Variants in HIRA observed in about 807,000 individuals in gnomAD.
HIRA encodes the protein histone cell cycle regulator.
HIRA carries 13 observed loss-of-function variants against 126.6 expected under a neutral mutation model. The observed-to-expected ratio is 0.10, with a 90% CI of 0.07 to 0.16. HIRA has a LOEUF of 0.16. Among genes scored for constraint, HIRA ranks in the 10% least tolerant of loss-of-function variants. HIRA has a pLI of 1.00. For missense variants in HIRA, 834 were observed against 1,314.4 expected (o/e 0.63, Z 5.65); for synonymous variants, 511 against 520.0 (o/e 0.98, Z 0.24).
intron 15 of HIRA, among the ~76,000 whole-genome samples, 160 bp from the exon 16 acceptor site, chr22:19,362,091 C>G (rs576362018): frequency 6.6e-6 from 1 of 152,256 alleles, no homozygotes; most frequent in Admixed American, 6.5e-5. Flanking sequence ...ATGACTTTGT[C>G]AGACAAAAAT....
intron 7 of HIRA, among the ~76,000 whole-genome samples, chr22:19,395,985 A>G (rs2089220202): frequency 6.6e-6 from 1 of 152,292 alleles, no homozygotes; most frequent in South Asian, 2.1e-4. Context: ...AACATGTGCA[A>G]ACTGTACTGC....
At chr22:19,367,390 G>A (rs537856940) in intron 15 of HIRA, among the ~76,000 whole-genome samples, 9 of 146,864 alleles carry the variant, frequency 6.1e-5, no homozygotes, top group South Asian at 2.1e-4. Flanking sequence ...TTTTTGAGAC[G>A]GAGTCTCACT....
chr22:19,416,753 A>G (rs1307667354), intron 1 of HIRA, among the ~76,000 whole-genome samples: 3 of 152,256 alleles, frequency 2.0e-5, no homozygotes, highest in Non-Finnish European at 4.4e-5. Flanking sequence ...AAATATCAAC[A>G]GAATAAAAAG....
chr22:19,416,312 C>T (rs2089397625), intron 1 of HIRA, among the ~76,000 whole-genome samples: 1 of 152,010 alleles, frequency 6.6e-6, no homozygotes, highest in Non-Finnish European at 1.5e-5. Flanking sequence ...ATTTCTTTTT[C>T]TTTTTTCTTT....
chr22:19,404,570 C>A (rs1044318836), intron 5 of HIRA, among the ~76,000 whole-genome samples: 1 of 152,158 alleles, frequency 6.6e-6, no homozygotes, highest in Non-Finnish European at 1.5e-5. Context: ...GGTTTGTTCT[C>A]CTTTTAACAG....
Position 19,330,823 on chromosome 22 carries a change from C to A in HIRA, c.*617G>T, listed in dbSNP as rs951330108. 1 of 158,302 alleles carries A rather than the reference C, an allele frequency of 6.3e-6. No individual in the cohort carries two copies. Among genetic ancestry groups the A allele is most frequent in the Non-Finnish European group, 1.4e-5 (1 of 71,320 alleles). 9.8% of individuals were successfully genotyped at this position (158,302 alleles called of 1,614,324 possible). On this transcript the variant is annotated 3_prime_UTR_variant, in exon 25 of 25. Coordinates refer to ENST00000263208, the MANE Select transcript of HIRA (RefSeq NM_003325.4). ...AAAATTAAAACCAAATGAAGATAGACAAGTTAATTTCAGTACAATTATTTT... is the reference window on the plus strand; with the variant it reads ...AAAATTAAAACCAAATGAAGATAGAAAAGTTAATTTCAGTACAATTATTTT...
At chr22:19,362,237 A>G (rs1236710828) in intron 15 of HIRA, among the ~76,000 whole-genome samples, 1 of 152,224 alleles carries the variant, frequency 6.6e-6, no homozygotes, top group Non-Finnish European at 1.5e-5. Context: ...TGTTAGAGAA[A>G]AAAAACAATG....
At chr22:19,429,627 G>A (rs181242732) in intron 1 of HIRA, among the ~76,000 whole-genome samples, 1 of 152,292 alleles carries the variant, frequency 6.6e-6, no homozygotes, top group Non-Finnish European at 1.5e-5. Context: ...TGCTCTGCCA[G>A]GCTGATGCAC....
At chr22:19,360,536 C>A (rs1366559988) in intron 17 of HIRA, among the ~76,000 whole-genome samples, 1 of 152,146 alleles carries the variant, frequency 6.6e-6, no homozygotes, top group Non-Finnish European at 1.5e-5. Flanking sequence ...TGAGGACCAA[C>A]CTGGGCTCAG....
chr22:19,423,683 A>C lies in HIRA; in HGVS notation c.37+7757T>G, dbSNP rs537364919. 3.3e-5 allele frequency among the ~76,000 whole-genome samples: 5 copies of C among 152,290 alleles called. No individual in the cohort carries two copies. In the South Asian group the frequency reaches 1.0e-3, roughly 32 times the overall value. On this transcript the variant is annotated intron_variant, in intron 1 of 24. Transcript: ENST00000263208. ...GTCCCTTCTGTCTGGTCTTCACCAC[A>C]GTGGCTTTTGCCAGGGTAGCCTCCC...
At chr22:19,403,836 T>G (rs1370943963) in intron 5 of HIRA, among the ~76,000 whole-genome samples, 1 of 152,224 alleles carries the variant, frequency 6.6e-6, no homozygotes, top group Non-Finnish European at 1.5e-5. Context: ...CTCAAAACAA[T>G]GCACCTACAA....
intron 17 of HIRA, 139 bp from the exon 18 acceptor site, chr22:19,359,623 G>C: frequency 1.0e-6 from 1 of 954,050 alleles, no homozygotes; most frequent in Non-Finnish European, 1.4e-6. Context: ...GAGAGGGAGG[G>C]CAGGTAGGGC....
At chr22:19,341,918 A>G (rs1403614767) in intron 24 of HIRA, among the ~76,000 whole-genome samples, 2 of 152,238 alleles carry the variant, frequency 1.3e-5, no homozygotes, top group African/African-American at 4.8e-5. Context: ...ACGAACCCAA[A>G]AGCAAATGCA....
At chr22:19,398,411 C>T (rs948491348) in intron 5 of HIRA, among the ~76,000 whole-genome samples, 4 of 152,220 alleles carry the variant, frequency 2.6e-5, no homozygotes, top group African/African-American at 9.6e-5. Context: ...TGCTGACTTG[C>T]TTTGCCAATC....
intron 9 of HIRA, among the ~76,000 whole-genome samples, chr22:19,388,938 T>C (rs756870093): frequency 2.6e-5 from 4 of 152,066 alleles, no homozygotes; most frequent in Non-Finnish European, 5.9e-5. Context: ...TGCCAAAGCC[T>C]AGACAGGGGA....
At position 19,371,344 on chromosome 22, in the gene HIRA, G is replaced by A. The variant is rs544204341; in HGVS notation, c.1775+4287C>T. Among the ~76,000 whole-genome samples, 468 of 152,228 alleles carry A rather than the reference G, an allele frequency of 3.1e-3. 2 individuals carry two copies. Among genetic ancestry groups the A allele is most frequent in the Middle Eastern group, 0.01 (3 of 294 alleles). On this transcript the variant is annotated intron_variant, in intron 15 of 24. Coordinates refer to ENST00000263208, the MANE Select transcript of HIRA (RefSeq NM_003325.4). Reference sequence around the variant, plus strand: ...CTGAATGTTCTTTTCAGCTGGTTCTGATCTGCTCTCTGAAATGCTTGTTGA... The same window carrying A: ...CTGAATGTTCTTTTCAGCTGGTTCTAATCTGCTCTCTGAAATGCTTGTTGA...
At chr22:19,335,839 T>A (rs1388855004) in intron 24 of HIRA, among the ~76,000 whole-genome samples, 1 of 152,194 alleles carries the variant, frequency 6.6e-6, no homozygotes, top group Non-Finnish European at 1.5e-5. Flanking sequence ...CCATATAAAT[T>A]GTTGAATTAG....
At chr22:19,413,508 G>C (rs1036103781) in intron 1 of HIRA, among the ~76,000 whole-genome samples, 2 of 152,076 alleles carry the variant, frequency 1.3e-5, no homozygotes, top group Non-Finnish European at 2.9e-5. Flanking sequence ...AGATACCAGC[G>C]CAGTGCTGGC....
At chr22:19,358,172 G>C (rs1325166670) in intron 18 of HIRA, among the ~76,000 whole-genome samples, 1 of 152,128 alleles carries the variant, frequency 6.6e-6, no homozygotes, top group Non-Finnish European at 1.5e-5. Context: ...GCTAATTTTT[G>C]TATTTTTGGT....
Sources: allele counts gnomAD v4.1 joint callset (sites outside exome capture counted in the v4.1 genomes callset), GRCh38; gene constraint gnomAD v4.1.1; transcripts MANE v1.5; gene names NCBI Gene and HGNC (gene_info 2026-07-23, HGNC 2026-07-21).